Variants in FAM193A observed in about 807,000 individuals in gnomAD.
FAM193A encodes the protein protein FAM193A.
In FAM193A, 22 loss-of-function variants were observed where a neutral mutation model predicts 126.5. That is an observed-to-expected ratio of 0.17 (90% CI 0.12 to 0.25). The LOEUF (loss-of-function observed/expected upper bound fraction) is 0.25, where lower values mean the gene tolerates loss of function less well. FAM193A is among the 10% of genes least tolerant of loss of function. FAM193A has a pLI of 1.00. For missense variants in FAM193A, 1,675 were observed against 1,672.8 expected (o/e 1.00, Z -0.02); for synonymous variants, 761 against 646.8 (o/e 1.18, Z -2.68).
At chr4:2,614,217 A>G (rs56803054) in intron 2 of FAM193A, among the ~76,000 whole-genome samples, 104,780 of 152,058 alleles carry the variant, frequency 0.69, 37,999 homozygotes, top group African/African-American at 0.92. Flanking sequence ...GGTGTGAGTA[A>G]GCATCCTCTT....
chr4:2,723,573 C>CAA (rs35028433), intron 20 of FAM193A, among the ~76,000 whole-genome samples: 803 of 133,794 alleles, frequency 6.0e-3, no homozygotes, highest in African/African-American at 0.019. Flanking sequence ...GACTCCGTCT[C>CAA]AAAAAAAAAA....
intron 1 of FAM193A, among the ~76,000 whole-genome samples, chr4:2,576,859 A>C (rs1242479606): frequency 6.6e-6 from 1 of 152,220 alleles, no homozygotes; most frequent in Non-Finnish European, 1.5e-5. Context: ...CTTGTTCAGC[A>C]CTTTGGGCTT....
chr4:2,602,445 CAT>C (rs1741257237), intron 2 of FAM193A, among the ~76,000 whole-genome samples: 1 of 148,692 alleles, frequency 6.7e-6, no homozygotes, highest in African/African-American at 2.5e-5. Flanking sequence ...ACCTCCACCT[CAT>C]AGGTTCAAAC....
intron 15 of FAM193A, 28 bp from the exon 16 acceptor site, chr4:2,693,558 G>T: frequency 6.3e-7 from 1 of 1,586,606 alleles, no homozygotes; most frequent in Non-Finnish European, 8.6e-7. Flanking sequence ...AACAAACTTG[G>T]CAGTGACTCT....
chr4:2,708,156 G>A (rs182856204), intron 19 of FAM193A: 272 of 447,684 alleles, frequency 6.1e-4, no homozygotes, highest in African/African-American at 4.3e-3. Flanking sequence ...ATGGAGTTTC[G>A]CTCTTGTTGC....
intron 5 of FAM193A, 112 bp from the exon 6 acceptor site, chr4:2,639,623 A>C: frequency 8.0e-6 from 5 of 625,004 alleles, no homozygotes; most frequent in African/African-American, 3.0e-5. Flanking sequence ...GTGAAGAGGG[A>C]TGTGTGCGTG....
intron 2 of FAM193A, among the ~76,000 whole-genome samples, chr4:2,614,024 C>T (rs1038058740): frequency 1.4e-4 from 20 of 144,472 alleles, no homozygotes; most frequent in Admixed American, 1.2e-3. Flanking sequence ...CCATGTGCGT[C>T]GGCCTCCCAA....
intron 18 of FAM193A, among the ~76,000 whole-genome samples, chr4:2,699,447 C>G (rs1028904372): frequency 1.8e-5 from 1 of 57,086 alleles, no homozygotes; most frequent in African/African-American, 7.2e-5. Flanking sequence ...CCCCCCCCCC[C>G]ACACACACAC....
At chr4:2,578,604 T>C (rs2108873360) in intron 1 of FAM193A, among the ~76,000 whole-genome samples, 1 of 152,258 alleles carries the variant, frequency 6.6e-6, no homozygotes, top group East Asian at 1.9e-4. Context: ...TTAGGGATGC[T>C]GACCCCATTG....
intron 19 of FAM193A, among the ~76,000 whole-genome samples, chr4:2,705,371 C>T (rs1371478621): frequency 2.0e-5 from 3 of 152,004 alleles, no homozygotes. Context: ...TTTTTATTGC[C>T]TCTGGATTTT....
At chr4:2,688,453 C>T (rs755659363) in intron 13 of FAM193A, among the ~76,000 whole-genome samples, 2 of 151,946 alleles carry the variant, frequency 1.3e-5, no homozygotes, top group Admixed American at 6.6e-5. Context: ...GAGGCTTGCA[C>T]ATTCTAGAGC....
intron 1 of FAM193A, among the ~76,000 whole-genome samples, chr4:2,568,395 C>T (rs1739093479): frequency 6.6e-6 from 1 of 152,106 alleles, no homozygotes; most frequent in East Asian, 1.9e-4. Flanking sequence ...TGGTGCACAC[C>T]TGTAGTACCA....
intron 20 of FAM193A, among the ~76,000 whole-genome samples, chr4:2,716,436 G>C (rs16843279): frequency 0.029 from 4,383 of 152,214 alleles, 226 homozygotes; most frequent in African/African-American, 0.1. Flanking sequence ...AGCGTCTCCT[G>C]GGGATACAGG....
intron 19 of FAM193A, among the ~76,000 whole-genome samples, chr4:2,711,465 G>A (rs993341342): frequency 2.7e-5 from 4 of 150,838 alleles, no homozygotes; most frequent in African/African-American, 4.9e-5. Context: ...TCAGCCTCCC[G>A]AGTAGCTGGG....
chr4:2,609,247 T>C (rs1173375312), intron 2 of FAM193A, among the ~76,000 whole-genome samples: 2 of 152,140 alleles, frequency 1.3e-5, no homozygotes, highest in Non-Finnish European at 2.9e-5. Context: ...TTTTACATTA[T>C]ATGAAGGCTA....
In FAM193A at chr4:2,543,299, G is replaced by T. The variant is rs374274025; in HGVS notation, c.255+6129G>T. Among the ~76,000 whole-genome samples, 22 of 151,934 alleles carry T rather than the reference G, an allele frequency of 1.4e-4. No individual in the cohort carries two copies. The East Asian group carries it at 2.1e-3, about 15-fold the overall frequency. On this transcript the variant is annotated intron_variant, in intron 1 of 20. Coordinates refer to ENST00000637812, the MANE Select transcript of FAM193A (RefSeq NM_001366318.2). ...AGACAGGGTTTCATCATGTTAGCCA[G>T]GATGGTCTCGATCTCCTGACCTCGT...
At chr4:2,663,850 C>G (rs1441508540) in intron 12 of FAM193A, among the ~76,000 whole-genome samples, 1 of 152,148 alleles carries the variant, frequency 6.6e-6, no homozygotes, top group African/African-American at 2.4e-5. Context: ...ACCTATAATC[C>G]CAGCTACTTG....
chr4:2,653,438 CTTTTTA>C (rs1275010916), intron 7 of FAM193A, among the ~76,000 whole-genome samples: 1 of 151,994 alleles, frequency 6.6e-6, no homozygotes, highest in Non-Finnish European at 1.5e-5. Flanking sequence ...CCAGAAGATG[CTTTTTA>C]TTTTTATTTA....
intron 1 of FAM193A, among the ~76,000 whole-genome samples, chr4:2,566,254 A>G (rs1181698026): frequency 1.3e-5 from 2 of 152,028 alleles, no homozygotes; most frequent in East Asian, 1.9e-4. Flanking sequence ...TCACCGTGTT[A>G]GCCAGCATGG....
Sources: allele counts gnomAD v4.1 joint callset (sites outside exome capture counted in the v4.1 genomes callset), GRCh38; gene constraint gnomAD v4.1.1; transcripts MANE v1.5; gene names NCBI Gene and HGNC (gene_info 2026-07-23, HGNC 2026-07-21).